Variants in LRCH4 observed in about 807,000 individuals in gnomAD.
LRCH4 encodes leucine-rich repeat and calponin homology domain-containing protein 4.
A neutral mutation model predicts 81.2 loss-of-function variants in LRCH4; 56 were observed. That is an observed-to-expected ratio of 0.69 (90% CI 0.56 to 0.86). LRCH4 has a LOEUF of 0.86. Among genes scored for constraint, LRCH4 ranks in the 40% least tolerant of loss-of-function variants. The probability of loss-of-function intolerance (pLI) is 0.00; values close to 1 mark genes in which losing one functional copy is unlikely to be tolerated. For missense variants in LRCH4, 895 were observed against 922.8 expected, an observed-to-expected ratio of 0.97 and a Z score of 0.39; for synonymous variants, 442 against 409.7, an observed-to-expected ratio of 1.08 and a Z score of -0.95.
In LRCH4 at chr7:100,582,901, G is replaced by A. The variant is rs1801606148; in HGVS notation, c.221-442C>T. 6.6e-6 allele frequency among the ~76,000 whole-genome samples: 1 copy of A among 152,204 alleles called. No homozygotes were observed. Among genetic ancestry groups the A allele is most frequent in the Admixed American group, 6.5e-5 (1 of 15,280 alleles). ...GGAAACCCCTGGGGCAAACCACAGG[G>A]AGTGCCCATCCCTCCTCGGGGCCCT... On this transcript the variant is annotated intron_variant, in intron 1 of 17. Coordinates refer to ENST00000310300, the MANE Select transcript of LRCH4 (RefSeq NM_002319.5). This position sits in a 1 kb window ranked among gnomAD's most constrained non-coding sequence, Gnocchi z 5.0.
rs375173199 is a variant in LRCH4 at position 100,576,964 on chromosome 7, G to T, written c.1406C>A (p.Ala469Glu). Residue 469 changes from alanine (A) to glutamate (E), a missense_variant, in exon 13 of 18, where the codon GCG (alanine) becomes GAG (glutamate). Ala to Glu is a moderately radical substitution (Grantham distance 107). Transcript: ENST00000310300. ...GGCAGGGGCGGGGGCTCCCTGCCCC[G>T]CTGCAGCCCCTGCTTGGGAGGCACT... ...KSSASQAGAA[A>E]GQGAPAPAPA... 3 of 1,592,820 alleles carry T rather than the reference G, an allele frequency of 1.9e-6. No homozygotes were observed. The African/African-American group carries it at 4.0e-5, about 21-fold the overall frequency.
At position 100,576,371 on chromosome 7, in the gene LRCH4, A is replaced by G. The variant is rs766680384; in HGVS notation, c.1553-48T>C. ...GGGCTGCCTCCACTGCTCACCACTG[A>G]CTCTGTAGCTGGGTCCCAGTGGCCT... On this transcript the variant is annotated intron_variant, in intron 14 of 17. Coordinates refer to ENST00000310300, the MANE Select transcript of LRCH4 (RefSeq NM_002319.5). The G allele has an allele frequency of 1.3e-5, 18 of 1,384,692 alleles. No individual in the cohort carries two copies. In the South Asian group the frequency reaches 1.9e-4, roughly 14 times the overall value. The allele number at this position is 1,384,692 out of a possible 1,614,324, so 85.8% of individuals were successfully genotyped here.
Position 100,574,293 on chromosome 7 carries a change from A to G in LRCH4, c.*814T>C. ...AGGGCGTGGACGACAGCAGCGATGTAGGGGAGGCCCCTTCCCGGGGCCCCC... is the reference window on the plus strand; with the variant it reads ...AGGGCGTGGACGACAGCAGCGATGTGGGGGAGGCCCCTTCCCGGGGCCCCC... On this transcript the variant is annotated 3_prime_UTR_variant, in exon 18 of 18. Transcript: ENST00000310300. 1 of 179,732 alleles carries G rather than the reference A, an allele frequency of 5.6e-6. No homozygotes were observed. Among genetic ancestry groups the G allele is most frequent in the South Asian group, 7.5e-5 (1 of 13,376 alleles). The allele number at this position is 179,732 out of a possible 1,614,324, so 11.1% of individuals were successfully genotyped here.
At position 100,582,865 on chromosome 7, in the gene LRCH4, G is replaced by A. The variant is rs929352785; in HGVS notation, c.221-406C>T. Among the ~76,000 whole-genome samples, 1 of 152,142 alleles carries A rather than the reference G, an allele frequency of 6.6e-6. No individual in the cohort carries two copies. Among genetic ancestry groups the A allele is most frequent in the Non-Finnish European group, 1.5e-5 (1 of 68,030 alleles). Reference sequence around the variant, plus strand: ...AAGGCGAGGGGCTGGGGGGCTCCCGGAGGGAAGATGGGAAACCCCTGGGGC... The same window carrying A: ...AAGGCGAGGGGCTGGGGGGCTCCCGAAGGGAAGATGGGAAACCCCTGGGGC... On this transcript the variant is annotated intron_variant, in intron 1 of 17. Coordinates refer to ENST00000310300, the MANE Select transcript of LRCH4 (RefSeq NM_002319.5). The surrounding 1 kb of genome is among the most constrained non-coding windows in gnomAD (Gnocchi z 5.0).
rs1374517050 is a variant in LRCH4 at position 100,577,111 on chromosome 7, C to T, written c.1339G>A (p.Ala447Thr). ...GLRAVVGGAA[A>T]VSTQAMHNGS... ...TTGTGCATGGCTTGAGTGGACACGG[C>T]GGCGGCCCCTCCCACAACAGCCCTG... The change falls in exon 12 of 18, where the codon GCC becomes ACC. Residue 447 changes from alanine to threonine, a missense_variant. Around this residue, in one of 3 missense-constraint regions of LRCH4, gnomAD observed 529 missense variants for 504.9 expected, o/e 1.05. Transcript: ENST00000310300. The surrounding 1 kb of genome is among the most constrained non-coding windows in gnomAD (Gnocchi z 6.7). 1.4e-5 allele frequency: 22 copies of T among 1,613,944 alleles called. No homozygotes were observed. Among genetic ancestry groups the T allele is most frequent in the Admixed American group, 3.3e-5 (2 of 60,002 alleles).
chr7:100,577,982 G>T lies in LRCH4; in HGVS notation c.949-70C>A, dbSNP rs552286939. ...GGGGGCTCAGGACCTGGGGGGTCCT[G>T]TGTGGGACTAAGCTCAGGGTCTCTG... On this transcript the variant is annotated intron_variant, in intron 7 of 17. Coordinates refer to ENST00000310300, the MANE Select transcript of LRCH4 (RefSeq NM_002319.5). The surrounding 1 kb of genome is among the most constrained non-coding windows in gnomAD (Gnocchi z 6.7). 47 of 1,408,206 alleles carry T rather than the reference G, an allele frequency of 3.3e-5. 1 individual carries two copies. The African/African-American group carries it at 6.0e-4, about 18-fold the overall frequency. 87.2% of individuals were successfully genotyped at this position (1,408,206 alleles called of 1,614,324 possible).
At chr7:100,581,718 C>T in intron 4 of LRCH4, 59 bp downstream of exon 4, 1 of 1,494,652 alleles carries the variant, frequency 6.7e-7, no homozygotes, top group South Asian at 1.1e-5. Flanking sequence ...GTTACCGCAG[C>T]CTGAGCCAAC....
In LRCH4 at chr7:100,581,879, C is replaced by G. The variant is rs376833789; in HGVS notation, c.496G>C (p.Val166Leu). The G allele has an allele frequency of 1.2e-6, 2 of 1,614,118 alleles. No individual in the cohort carries two copies. The highest frequency in any genetic ancestry group is 1.7e-6 in the Non-Finnish European group (2 of 1,179,974). ...AGGGATTGGAGCTCGTTGCTGCTCA[C>G]GTCCTGGTATCAGGAAGGCAGTGGG... ...GTLGSLRQLDVSSNELQSLPS... is the reference protein window; with the variant it reads ...GTLGSLRQLDLSSNELQSLPS... Residue 166 changes from valine to leucine, a missense_variant, in exon 4 of 18, where the codon GTG (valine) becomes CTG (leucine). Coordinates refer to ENST00000310300, the MANE Select transcript of LRCH4 (RefSeq NM_002319.5).
chr7:100,581,739 A>T, intron 4 of LRCH4, 38 bp downstream of exon 4: 1 of 1,595,288 alleles, frequency 6.3e-7, no homozygotes, highest in South Asian at 1.1e-5. Flanking sequence ...TGGGACGCAC[A>T]TACAAACACC....
At position 100,575,278 on chromosome 7, in the gene LRCH4, G is replaced by A; in HGVS notation, c.1881C>T (p.Leu627=). 6.4e-7 allele frequency: 1 copy of A among 1,565,008 alleles called. No individual in the cohort carries two copies. Among genetic ancestry groups the A allele is most frequent in the South Asian group, 1.2e-5 (1 of 86,574 alleles). Residue 627 remains leucine, a synonymous_variant, in exon 18 of 18, where the codon CTC becomes CTT. Coordinates refer to ENST00000310300, the MANE Select transcript of LRCH4 (RefSeq NM_002319.5). The surrounding 1 kb of genome is among the most constrained non-coding windows in gnomAD (Gnocchi z 5.3). ...PEADLCSPSD[L]LQGTARGLRT... Reference sequence around the variant, plus strand: ...GCAGCCCCCGGGCAGTGCCCTGGAGGAGATCCGAGGGCGAGCACAGGTCAG... The same window carrying A: ...GCAGCCCCCGGGCAGTGCCCTGGAGAAGATCCGAGGGCGAGCACAGGTCAG...
chr7:100,585,192 C>A (rs148798997), intron 1 of LRCH4: 6 of 195,674 alleles, frequency 3.1e-5, no homozygotes, highest in South Asian at 7.1e-5. Context: ...ATTCTAAGAT[C>A]CCTATGAGGT....
chr7:100,579,146 C>T (rs2131182437), intron 4 of LRCH4: 1 of 270,640 alleles, frequency 3.7e-6, no homozygotes, highest in African/African-American at 2.2e-5. Context: ...AGGCACAAAC[C>T]CTGTTCAAAC....
Position 100,582,199 on chromosome 7 carries a change from C to T in LRCH4, c.366-32G>A, listed in dbSNP as rs761600290. 17 of 1,613,292 alleles carry T rather than the reference C, an allele frequency of 1.1e-5. No individual in the cohort carries two copies. Among genetic ancestry groups the T allele is most frequent in the South Asian group, 8.8e-5 (8 of 91,044 alleles). ...AAGGGAGAAAGGCAGCGGACTGGCT[C>T]CCCAGGCATGGCATCCCAGCACTGC... is the stretch of plus-strand genomic sequence containing the variant. On this transcript the variant is annotated intron_variant, in intron 2 of 17. Transcript: ENST00000310300. This position sits in a 1 kb window ranked among gnomAD's most constrained non-coding sequence, Gnocchi z 5.0.
chr7:100,582,547 C>T lies in LRCH4; in HGVS notation c.221-88G>A. ...CCCCCCAGAGCCGGCTGCCCACTCCCTCACCTCCACACCTAAAGATTCAAG... is the reference window on the plus strand; with the variant it reads ...CCCCCCAGAGCCGGCTGCCCACTCCTTCACCTCCACACCTAAAGATTCAAG... On this transcript the variant is annotated intron_variant, in intron 1 of 17. Transcript: ENST00000310300. This position sits in a 1 kb window ranked among gnomAD's most constrained non-coding sequence, Gnocchi z 5.0. 1 of 1,301,532 alleles carries T rather than the reference C, an allele frequency of 7.7e-7. No homozygotes were observed. Among genetic ancestry groups the T allele is most frequent in the Non-Finnish European group, 1.1e-6 (1 of 937,810 alleles). 80.6% of individuals were successfully genotyped at this position (1,301,532 alleles called of 1,614,324 possible).
chr7:100,578,921 T>A lies in LRCH4; in HGVS notation c.599-135A>T. ...CCTCTCCCCTGGGTGGCTCAAGTCA[T>A]TCCCCGGGAGAAACCTCCCTGCTCC... On this transcript the variant is annotated intron_variant, in intron 4 of 17. Coordinates refer to ENST00000310300, the MANE Select transcript of LRCH4 (RefSeq NM_002319.5). This position sits in a 1 kb window ranked among gnomAD's most constrained non-coding sequence, Gnocchi z 5.7. The A allele has an allele frequency of 1.1e-6, 1 of 879,290 alleles. No individual in the cohort carries two copies. Among genetic ancestry groups the A allele is most frequent in the African/African-American group, 1.7e-5 (1 of 58,934 alleles). 54.5% of individuals were successfully genotyped at this position (879,290 alleles called of 1,614,324 possible).
chr7:100,582,421 C>G lies in LRCH4; in HGVS notation c.259G>C (p.Ala87Pro). Reference sequence around the variant, plus strand: ...CCCTCCAGGGACACCAGCTGGCACGCCGCCTCGGGCACCTCGGGAAACCGG... The same window carrying G: ...CCCTCCAGGGACACCAGCTGGCACGGCGCCTCGGGCACCTCGGGAAACCGG... The part of the protein sequence containing the change: ...RNRFPEVPEA[A>P]CQLVSLEGLS... Residue 87 changes from alanine (A) to proline (P), a missense_variant, in exon 2 of 18, where the codon GCG (alanine) becomes CCG (proline). Ala to Pro is a conservative substitution (Grantham distance 27, BLOSUM62 -1). This residue lies in a region of LRCH4 where 360 missense variants were observed against 397.0 expected (regional missense o/e 0.91). Coordinates refer to ENST00000310300, the MANE Select transcript of LRCH4 (RefSeq NM_002319.5). This position sits in a 1 kb window ranked among gnomAD's most constrained non-coding sequence, Gnocchi z 5.0. The G allele has an allele frequency of 6.2e-7, 1 of 1,612,858 alleles. No individual in the cohort carries two copies. Among genetic ancestry groups the G allele is most frequent in the Non-Finnish European group, 8.5e-7 (1 of 1,179,974 alleles).
rs1801631114 is a variant in LRCH4 at position 100,583,708 on chromosome 7, G to T, written c.221-1249C>A. Among the ~76,000 whole-genome samples, 1 of 152,190 alleles carries T rather than the reference G, an allele frequency of 6.6e-6. No homozygotes were observed. Reference sequence around the variant, plus strand: ...TTCTCTTCCTCTCTGCCCAGCCCTGGTGCACAGACAGAAGCCCTGGCCTCA... The same window carrying T: ...TTCTCTTCCTCTCTGCCCAGCCCTGTTGCACAGACAGAAGCCCTGGCCTCA... On this transcript the variant is annotated intron_variant, in intron 1 of 17. Transcript: ENST00000310300. The surrounding 1 kb of genome is among the most constrained non-coding windows in gnomAD (Gnocchi z 4.3).
At chr7:100,576,614 G>A (rs903657115) in intron 14 of LRCH4, 80 bp downstream of exon 14, 4 of 1,250,002 alleles carry the variant, frequency 3.2e-6, no homozygotes, top group African/African-American at 3.0e-5. Flanking sequence ...CAGACCCAGA[G>A]GGCTCCCAGG....
At position 100,578,712 on chromosome 7, in the gene LRCH4, G is replaced by T. The variant is rs1176615772; in HGVS notation, c.673C>A (p.Arg225Ser). 1.2e-6 allele frequency: 2 copies of T among 1,614,048 alleles called. No homozygotes were observed. Among genetic ancestry groups the T allele is most frequent in the Non-Finnish European group, 8.5e-7 (1 of 1,180,050 alleles). The stretch of plus-strand genomic sequence containing the variant: ...AGAATGACCTGCAGGTGCCTCAGGC[G>T]GCAGAAGGAGACTGGGATTCGGGAG... Reference protein sequence around the residue: ...RVSRIPVSFCRLRHLQVILLD... With the variant: ...RVSRIPVSFCSLRHLQVILLD... The change falls in exon 5 of 18, where the codon CGC becomes AGC. Residue 225 changes from arginine to serine, a missense_variant. Arg to Ser is a moderately radical substitution (Grantham distance 110). This residue lies in a region of LRCH4 where 360 missense variants were observed against 397.0 expected (regional missense o/e 0.91). Coordinates refer to ENST00000310300, the MANE Select transcript of LRCH4 (RefSeq NM_002319.5). This position sits in a 1 kb window ranked among gnomAD's most constrained non-coding sequence, Gnocchi z 5.7.
Sources: allele counts gnomAD v4.1 joint callset (sites outside exome capture counted in the v4.1 genomes callset), GRCh38; gene constraint gnomAD v4.1.1; regional missense constraint gnomAD v4.1.1; non-coding constraint Gnocchi (gnomAD v3.1); transcripts MANE v1.5; gene names NCBI Gene and HGNC (gene_info 2026-07-23, HGNC 2026-07-21).